The following ZNF215 variants were observed in gnomAD, a reference collection of about 807,000 sequenced individuals.
The protein encoded by ZNF215 is zinc finger protein 215.
In ZNF215, 24 loss-of-function variants were observed where a neutral mutation model predicts 27.2. That is an observed-to-expected ratio of 0.88 (90% CI 0.64 to 1.24). The LOEUF (loss-of-function observed/expected upper bound fraction) is 1.24. Among genes scored for constraint, ZNF215 ranks in the 50% most tolerant of loss-of-function variants. The pLI is 0.00. For missense variants in ZNF215, 675 were observed against 605.7 expected, an observed-to-expected ratio of 1.11 and a Z score of -1.20; for synonymous variants, 210 against 204.0, an observed-to-expected ratio of 1.03 and a Z score of -0.25.
At chr11:6,941,901 C>T (rs1452068162) in intron 4 of ZNF215, among the ~76,000 whole-genome samples, 1 of 152,124 alleles carries the variant, frequency 6.6e-6, no homozygotes, top group Non-Finnish European at 1.5e-5. Flanking sequence ...GTAGAGCCTA[C>T]TCAGAAAATG....
At chr11:6,967,691 T>A (rs1850650439) in intron 5 of ZNF215, among the ~76,000 whole-genome samples, 1 of 152,234 alleles carries the variant, frequency 6.6e-6, no homozygotes, top group African/African-American at 2.4e-5. Context: ...ATATTAGCCC[T>A]TTTTCAGGTG....
intron 5 of ZNF215, among the ~76,000 whole-genome samples, chr11:6,972,688 AAGC>A (rs1850741458): frequency 6.6e-6 from 1 of 152,206 alleles, no homozygotes; most frequent in Non-Finnish European, 1.5e-5. Flanking sequence ...ATTTCAAGGA[AAGC>A]AGAAATCTTC....
intron 5 of ZNF215, among the ~76,000 whole-genome samples, chr11:6,983,832 C>T (rs981682359): frequency 1.3e-5 from 2 of 151,938 alleles, no homozygotes; most frequent in African/African-American, 2.4e-5. Flanking sequence ...AAAGACAAAG[C>T]ATCAAGTAGA....
At chr11:6,991,247 G>T (rs1851113551), downstream of ZNF215, among the ~76,000 whole-genome samples, 1 of 152,194 alleles carries the variant, frequency 6.6e-6, no homozygotes, top group South Asian at 2.1e-4. Flanking sequence ...TTTCTTCATG[G>T]TCAGAATGGA....
At chr11:6,931,692 A>T (rs1293204952) in intron 2 of ZNF215, among the ~76,000 whole-genome samples, 1 of 152,192 alleles carries the variant, frequency 6.6e-6, no homozygotes, top group Non-Finnish European at 1.5e-5. Context: ...TACTCATAGA[A>T]TTTTATTGGC....
Position 6,956,998 on chromosome 11 carries a change from G to C in ZNF215, c.*467G>C, listed in dbSNP as rs915619191. On this transcript the variant is annotated 3_prime_UTR_variant, in exon 7 of 7. Transcript: ENST00000278319. ...ATATAAGAGAATACTTCTAAGGACA[G>C]AAATCTCTGAATCAATGGCTAAGAC... 5 of 986,944 alleles carry C rather than the reference G, an allele frequency of 5.1e-6. No homozygotes were observed. The highest frequency in any genetic ancestry group is 4.8e-6 in the Non-Finnish European group (4 of 831,064). 61.1% of individuals were successfully genotyped at this position (986,944 alleles called of 1,614,324 possible).
chr11:6,960,656 G>T (rs1015292626), downstream of ZNF215, among the ~76,000 whole-genome samples: 14 of 152,136 alleles, frequency 9.2e-5, no homozygotes, highest in South Asian at 1.9e-3. Flanking sequence ...TTGTAACCCA[G>T]GTGTCATTGC....
At chr11:6,989,843 G>A (rs1259707189), downstream of ZNF215, among the ~76,000 whole-genome samples, 2 of 152,150 alleles carry the variant, frequency 1.3e-5, no homozygotes, top group Non-Finnish European at 2.9e-5. Context: ...CTCAGGTCAT[G>A]TAACCTGAGT....
intron 3 of ZNF215, among the ~76,000 whole-genome samples, chr11:6,933,794 CAA>C (rs55667332): frequency 0.016 from 1,392 of 87,904 alleles, 25 homozygotes; most frequent in African/African-American, 0.051. Flanking sequence ...GACTCCATCT[CAA>C]AAAAAAAAAA....
At chr11:6,931,783 C>T (rs561001843) in intron 2 of ZNF215, among the ~76,000 whole-genome samples, 23 of 152,186 alleles carry the variant, frequency 1.5e-4, no homozygotes, top group African/African-American at 5.3e-4. Flanking sequence ...ATTTGTGTTG[C>T]TTAATTTTAA....
At chr11:6,989,150 C>CAAA (rs71056776), downstream of ZNF215, among the ~76,000 whole-genome samples, 452 of 76,506 alleles carry the variant, frequency 5.9e-3, 12 homozygotes, top group East Asian at 0.033. Flanking sequence ...AGATCCGTCT[C>CAAA]AAAAAAAAAA....
chr11:6,986,304 G>A (rs1851052855), downstream of ZNF215, among the ~76,000 whole-genome samples: 1 of 152,080 alleles, frequency 6.6e-6, no homozygotes, highest in Admixed American at 6.6e-5. Context: ...AATAAATGAT[G>A]CTGGGATAAC....
intron 5 of ZNF215, among the ~76,000 whole-genome samples, chr11:6,966,873 C>T (rs1850631521): frequency 6.6e-6 from 1 of 151,868 alleles, no homozygotes; most frequent in African/African-American, 2.4e-5. Flanking sequence ...AGGTTTGTTA[C>T]ATACGTATAC....
downstream of ZNF215, among the ~76,000 whole-genome samples, chr11:6,993,593 G>A (rs1284370398): frequency 1.3e-5 from 2 of 151,970 alleles, no homozygotes; most frequent in African/African-American, 4.8e-5. Context: ...TTTATTTTCA[G>A]TGATCACATT....
chr11:6,992,849 T>A (rs1346958730), downstream of ZNF215, among the ~76,000 whole-genome samples: 1 of 152,200 alleles, frequency 6.6e-6, no homozygotes, highest in Non-Finnish European at 1.5e-5. Context: ...ATACTATTTT[T>A]AAATCAACTC....
At position 6,973,992 on chromosome 11, in the gene ZNF215, T is replaced by C. The variant is rs552590437; in HGVS notation, c.806-10137T>C. Among the ~76,000 whole-genome samples, 88 of 152,318 alleles carry C rather than the reference T, an allele frequency of 5.8e-4. 1 individual carries two copies. Among genetic ancestry groups the C allele is most frequent in the Admixed American group, 3.1e-3 (47 of 15,286 alleles). On this transcript the variant is annotated intron_variant, in intron 5 of 5. Coordinates refer to the ZNF215 transcript ENST00000529903. ...CCCATTTCTATGTACTGAATGGTACTGCCTAGGTTTTCTTCTAGGGTTTTT... is the reference window on the plus strand; with the variant it reads ...CCCATTTCTATGTACTGAATGGTACCGCCTAGGTTTTCTTCTAGGGTTTTT...
rs142382403 is a variant in ZNF215 at position 6,941,565 on chromosome 11, C to T, written c.401-6C>T. 23 of 1,612,706 alleles carry T rather than the reference C, an allele frequency of 1.4e-5. No individual in the cohort carries two copies. Among genetic ancestry groups the T allele is most frequent in the African/African-American group, 2.7e-5 (2 of 74,978 alleles). ...TCTCCCTAATATTTTCCTTCATCTT[C>T]CTCAGATATGCCCTGCAAGGACTCT... On this transcript the variant is annotated splice_region_variant and splice_polypyrimidine_tract_variant and intron_variant, in intron 3 of 6. Coordinates refer to ENST00000278319, the MANE Select transcript of ZNF215 (RefSeq NM_013250.4).
In ZNF215 at chr11:6,932,686, G is replaced by T. The variant is rs1365488976; in HGVS notation, c.400+14G>T. Reference sequence around the variant, plus strand: ...TTGAAGATGAAGGTAAGAATATAAAGAAATTAGAGGTAAAATACTTGACCT... The same window carrying T: ...TTGAAGATGAAGGTAAGAATATAAATAAATTAGAGGTAAAATACTTGACCT... On this transcript the variant is annotated intron_variant, in intron 3 of 6. Coordinates refer to ENST00000278319, the MANE Select transcript of ZNF215 (RefSeq NM_013250.4). 6 of 1,581,980 alleles carry T rather than the reference G, an allele frequency of 3.8e-6. No individual in the cohort carries two copies. The African/African-American group carries it at 4.1e-5, about 11-fold the overall frequency.
chr11:6,983,549 G>C (rs1288864695), intron 5 of ZNF215, among the ~76,000 whole-genome samples: 3 of 152,008 alleles, frequency 2.0e-5, no homozygotes, highest in Non-Finnish European at 4.4e-5. Flanking sequence ...ACATCAAAAA[G>C]TTTACTTTTT....
Sources: allele counts gnomAD v4.1 joint callset (sites outside exome capture counted in the v4.1 genomes callset), GRCh38; gene constraint gnomAD v4.1.1; transcripts MANE v1.5; gene names NCBI Gene and HGNC (gene_info 2026-07-23, HGNC 2026-07-21).